The following MARCHF11 variants were observed in gnomAD, a reference collection of about 807,000 sequenced individuals.
MARCHF11 encodes E3 ubiquitin-protein ligase MARCHF11.
Under a neutral mutation model 37.3 loss-of-function variants are expected in MARCHF11, and 29 were observed. The ratio of observed to expected loss-of-function variants is 0.78; its 90% CI spans 0.58 to 1.06. The LOEUF (loss-of-function observed/expected upper bound fraction) is 1.06. Ranked by LOEUF, MARCHF11 falls within the 50% of genes least tolerant of loss-of-function variation. The pLI is 0.00. For synonymous variants in MARCHF11, 233 were observed against 228.0 expected (o/e 1.02, Z -0.20); for missense variants, 482 against 533.4 (o/e 0.90, Z 0.95).
intron 2 of MARCHF11, among the ~76,000 whole-genome samples, chr5:16,142,039 G>A (rs968140636): frequency 1.3e-5 from 2 of 152,194 alleles, no homozygotes; most frequent in Admixed American, 6.5e-5. Context: ...TGCCAAAAAT[G>A]TAGAAGACAG....
intron 2 of MARCHF11, among the ~76,000 whole-genome samples, chr5:16,153,764 T>C (rs1364510876): frequency 6.6e-6 from 1 of 151,892 alleles, no homozygotes; most frequent in Non-Finnish European, 1.5e-5. Flanking sequence ...AGAATAAATA[T>C]GACATTTTCT....
chr5:16,160,727 G>C (rs1272216377), intron 2 of MARCHF11, among the ~76,000 whole-genome samples: 1 of 151,864 alleles, frequency 6.6e-6, no homozygotes, highest in Admixed American at 6.6e-5. Context: ...CAAATAGAGA[G>C]ACACCTTGGT....
Position 16,179,113 on chromosome 5 carries a change from C to T in MARCHF11, c.463G>A (p.Gly155Ser), listed in dbSNP as rs765057383. 1.3e-6 allele frequency: 2 copies of T among 1,492,648 alleles called. No individual in the cohort carries two copies. The highest frequency in any genetic ancestry group is 1.2e-5 in the South Asian group (1 of 81,078). The allele number at this position is 1,492,648 out of a possible 1,614,324, so 92.5% of individuals were successfully genotyped here. ...TGCTGGTGCCCAGCGCGCTGGTCGCCGCCGCCACTGCTGCTGCTGCGGCTG... is the reference window on the plus strand; with the variant it reads ...TGCTGGTGCCCAGCGCGCTGGTCGCTGCCGCCACTGCTGCTGCTGCGGCTG... ...CSSRSSSSGG[G>S]DQRAGHQHQH... The change falls in exon 1 of 4, where the codon GGC (glycine) becomes AGC (serine). Residue 155 changes from glycine to serine, a missense_variant. Gly to Ser is a moderately conservative substitution (Grantham distance 56). Transcript: ENST00000332432.
At chr5:16,077,166 T>C (rs960123963) in intron 3 of MARCHF11, among the ~76,000 whole-genome samples, 1 of 152,210 alleles carries the variant, frequency 6.6e-6, no homozygotes, top group African/African-American at 2.4e-5. Flanking sequence ...GGTTTTAGCA[T>C]GGGGAATTGC....
intron 2 of MARCHF11, among the ~76,000 whole-genome samples, chr5:16,106,145 G>C (rs1460119543): frequency 2.0e-5 from 3 of 152,090 alleles, no homozygotes; most frequent in African/African-American, 7.2e-5. Flanking sequence ...GTAAATGGCA[G>C]GGCGTATTGG....
intron 3 of MARCHF11, among the ~76,000 whole-genome samples, chr5:16,071,920 A>G (rs1736443985): frequency 6.6e-6 from 1 of 152,136 alleles, no homozygotes; most frequent in Non-Finnish European, 1.5e-5. Flanking sequence ...CTTGACTGCA[A>G]CTGTACAAAC....
At chr5:16,176,812 CT>C (rs1461017464) in intron 2 of MARCHF11, among the ~76,000 whole-genome samples, 1 of 152,082 alleles carries the variant, frequency 6.6e-6, no homozygotes, top group African/African-American at 2.4e-5. Flanking sequence ...GAATTTATTA[CT>C]TTTCCCCCTC....
At chr5:16,173,415 C>G (rs1205674931) in intron 2 of MARCHF11, among the ~76,000 whole-genome samples, 1 of 152,146 alleles carries the variant, frequency 6.6e-6, no homozygotes, top group African/African-American at 2.4e-5. Flanking sequence ...CTGTGCTTGG[C>G]CACATTTAAG....
At chr5:16,140,714 A>G (rs1307005230) in intron 2 of MARCHF11, among the ~76,000 whole-genome samples, 1 of 152,220 alleles carries the variant, frequency 6.6e-6, no homozygotes, top group Non-Finnish European at 1.5e-5. Context: ...AACTAAATCT[A>G]TGCAAACAAA....
intron 3 of MARCHF11, among the ~76,000 whole-genome samples, chr5:16,078,012 TC>T (rs1736547806): frequency 6.6e-6 from 1 of 152,252 alleles, no homozygotes; most frequent in Non-Finnish European, 1.5e-5. Flanking sequence ...CTATACCATG[TC>T]TTAAGTGTTT....
chr5:16,122,860 A>G (rs145872746), intron 2 of MARCHF11, among the ~76,000 whole-genome samples: 1 of 152,256 alleles, frequency 6.6e-6, no homozygotes, highest in African/African-American at 2.4e-5. Flanking sequence ...ACTTGTGCCC[A>G]TGTTCTCTTA....
At position 16,179,078 on chromosome 5, in the gene MARCHF11, G is replaced by C. The variant is rs1043461826; in HGVS notation, c.498C>G (p.His166Gln). The change falls in exon 1 of 4, where the codon CAC becomes CAG. Residue 166 changes from histidine (H) to glutamine (Q), a missense_variant. Coordinates refer to ENST00000332432, the MANE Select transcript of MARCHF11 (RefSeq NM_001102562.3). ...GGAAGCAGATCTTGCAGATGGGCTGGTGGTGCTGGTGCTGGTGCCCAGCGC... is the reference window on the plus strand; with the variant it reads ...GGAAGCAGATCTTGCAGATGGGCTGCTGGTGCTGGTGCTGGTGCCCAGCGC... ...DQRAGHQHQH[H>Q]QPICKICFQG... 2.0e-6 allele frequency: 3 copies of C among 1,495,950 alleles called. No individual in the cohort carries two copies. The highest frequency in any genetic ancestry group is 1.5e-5 in the African/African-American group (1 of 68,898). 92.7% of individuals were successfully genotyped at this position (1,495,950 alleles called of 1,614,324 possible).
At chr5:16,104,063 G>T (rs964513453) in intron 2 of MARCHF11, among the ~76,000 whole-genome samples, 1 of 152,190 alleles carries the variant, frequency 6.6e-6, no homozygotes, top group African/African-American at 2.4e-5. Flanking sequence ...CATGGTAACT[G>T]CAGGAGAAAC....
At position 16,159,805 on chromosome 5, in the gene MARCHF11, T is replaced by C. The variant is rs888150400; in HGVS notation, c.693+17921A>G. ...CGGTGCCTCAATAGTTACTGCTTAATTAATGTTCCTCTGGTTGTTAACTAA... is the reference window on the plus strand; with the variant it reads ...CGGTGCCTCAATAGTTACTGCTTAACTAATGTTCCTCTGGTTGTTAACTAA... On this transcript the variant is annotated intron_variant, in intron 2 of 3. Coordinates refer to ENST00000332432, the MANE Select transcript of MARCHF11 (RefSeq NM_001102562.3). 6.6e-5 allele frequency among the ~76,000 whole-genome samples: 10 copies of C among 152,060 alleles called. No individual in the cohort carries two copies. In the East Asian group the frequency reaches 1.9e-3, roughly 30 times the overall value.
chr5:16,134,678 A>G (rs555315467), intron 2 of MARCHF11, among the ~76,000 whole-genome samples: 8 of 152,324 alleles, frequency 5.3e-5, no homozygotes, highest in African/African-American at 1.9e-4. Flanking sequence ...ATCTTAATGA[A>G]ATAGTTATAA....
At chr5:16,129,252 A>C (rs1036430814) in intron 2 of MARCHF11, 11 of 152,158 alleles carry the variant, frequency 7.2e-5, no homozygotes, top group Non-Finnish European at 1.6e-4. Context: ...GGTGTCTTAC[A>C]AATTTAACAT....
At chr5:16,171,139 T>C (rs924787183) in intron 2 of MARCHF11, among the ~76,000 whole-genome samples, 3 of 152,084 alleles carry the variant, frequency 2.0e-5, no homozygotes, top group Admixed American at 2.0e-4. Flanking sequence ...AGTTTTAGGG[T>C]ACATGTGCAC....
At chr5:16,068,572 C>A (rs1223322427) in intron 3 of MARCHF11, among the ~76,000 whole-genome samples, 1 of 152,146 alleles carries the variant, frequency 6.6e-6, no homozygotes, top group Non-Finnish European at 1.5e-5. Context: ...GATCTTTCCA[C>A]GTTTCTGAGA....
At chr5:16,125,014 C>T (rs969841152) in intron 2 of MARCHF11, among the ~76,000 whole-genome samples, 2 of 151,384 alleles carry the variant, frequency 1.3e-5, no homozygotes, top group South Asian at 4.2e-4. Context: ...GTTGGCTTGG[C>T]CACATTCTTA....
Sources: allele counts gnomAD v4.1 joint callset (sites outside exome capture counted in the v4.1 genomes callset), GRCh38; gene constraint gnomAD v4.1.1; transcripts MANE v1.5; gene names NCBI Gene and HGNC (gene_info 2026-07-23, HGNC 2026-07-21).